Variants in CHIC2 observed in about 807,000 individuals in gnomAD.
CHIC2 encodes cysteine rich hydrophobic domain 2, also known as cysteine-rich hydrophobic domain-containing protein 2.
A neutral mutation model predicts 25.9 loss-of-function variants in CHIC2; 14 were observed. That is an observed-to-expected ratio of 0.54 (90% CI 0.36 to 0.85). The LOEUF is 0.85. Ranked by LOEUF, CHIC2 falls within the 40% of genes least tolerant of loss-of-function variation. The pLI is 0.01. For synonymous variants in CHIC2, 70 were observed against 72.0 expected (o/e 0.97, Z 0.14); for missense variants, 146 against 202.0 (o/e 0.72, Z 1.68).
At chr4:54,089,255 A>AT in the CHIC2 span, among the ~76,000 whole-genome samples, 3 of 151,752 alleles carry the variant, frequency 2.0e-5, no homozygotes, top group Non-Finnish European at 2.9e-5. Flanking sequence ...CTTCTTTTTG[A>AT]TTTTTTTTCC....
At chr4:54,077,770 T>A in the CHIC2 span, among the ~76,000 whole-genome samples, 2 of 152,216 alleles carry the variant, frequency 1.3e-5, no homozygotes, top group Non-Finnish European at 2.9e-5. Flanking sequence ...TATAACTTCA[T>A]TTCTATAGCA....
chr4:54,043,294 A>G (rs958272380), intron 3 of CHIC2, among the ~76,000 whole-genome samples: 5 of 151,948 alleles, frequency 3.3e-5, no homozygotes, highest in African/African-American at 1.2e-4. Flanking sequence ...GGTGGTGGGC[A>G]CCTGCAGTCC....
At chr4:54,050,405 C>A (rs1339256955) in intron 1 of CHIC2, among the ~76,000 whole-genome samples, 1 of 152,106 alleles carries the variant, frequency 6.6e-6, no homozygotes, top group Non-Finnish European at 1.5e-5. Context: ...CCACTCCAAT[C>A]TGTTATCCTG....
chr4:54,064,714 C>A, upstream of CHIC2: 3 of 973,002 alleles, frequency 3.1e-6, no homozygotes, highest in Non-Finnish European at 3.7e-6. The surrounding 1 kb of genome is among the most constrained non-coding windows in gnomAD (Gnocchi z 4.2). Flanking sequence ...GGCGAGCGGA[C>A]TGGCTGGCGG....
upstream of CHIC2, among the ~76,000 whole-genome samples, chr4:54,067,467 G>T (rs116043228): frequency 6.6e-6 from 1 of 151,796 alleles, no homozygotes; most frequent in African/African-American, 2.4e-5. Flanking sequence ...CTCCACCTCC[G>T]CCCTGCCAAC....
Position 54,014,104 on chromosome 4 carries a change from C to T in CHIC2, c.346G>A (p.Glu116Lys), listed in dbSNP as rs771347608. Residue 116 changes from glutamate (E) to lysine (K), a missense_variant, in exon 4 of 6, where the codon GAG becomes AAG. Glu to Lys is a moderately conservative substitution (Grantham distance 56). Coordinates refer to ENST00000263921, the MANE Select transcript of CHIC2 (RefSeq NM_012110.4). Reference sequence around the variant, plus strand: ...TTGTTTTCCCATTCTAATAACTTCTCAATCGATCTTCGTGTCTGGAAGACA... The same window carrying T: ...TTGTTTTCCCATTCTAATAACTTCTTAATCGATCTTCGTGTCTGGAAGACA... ...CLSKRTRRSI[E>K]KLLEWENNRL... The T allele has an allele frequency of 6.2e-7, 1 of 1,613,328 alleles. No individual in the cohort carries two copies. Among genetic ancestry groups the T allele is most frequent in the South Asian group, 1.1e-5 (1 of 91,054 alleles).
At chr4:54,030,668 T>A (rs1172426196) in intron 3 of CHIC2, among the ~76,000 whole-genome samples, 2 of 130,888 alleles carry the variant, frequency 1.5e-5, no homozygotes, top group African/African-American at 7.2e-5. Flanking sequence ...AAATGCTAAT[T>A]TTTTTTTTTT....
intron 3 of CHIC2, 77 bp downstream of exon 3, chr4:54,048,878 A>C: frequency 1.6e-6 from 2 of 1,246,408 alleles, no homozygotes; most frequent in Non-Finnish European, 2.2e-6. Context: ...CATTCAATAC[A>C]AAAAATAAAA....
At chr4:54,044,629 C>A (rs1351398149) in intron 3 of CHIC2, among the ~76,000 whole-genome samples, 4 of 152,096 alleles carry the variant, frequency 2.6e-5, no homozygotes, top group Non-Finnish European at 5.9e-5. Context: ...ACCAGAATCT[C>A]TGGGACACAT....
At chr4:54,034,123 C>T (rs1023698322) in intron 3 of CHIC2, among the ~76,000 whole-genome samples, 2 of 151,992 alleles carry the variant, frequency 1.3e-5, no homozygotes, top group South Asian at 2.1e-4. Context: ...AGTATTTCCT[C>T]GCCAGACGCG....
the CHIC2 span, among the ~76,000 whole-genome samples, chr4:54,091,482 A>G: frequency 6.3e-4 from 96 of 152,242 alleles, 2 homozygotes; most frequent in South Asian, 0.019. Context: ...TATTCCTCAC[A>G]TTCACACATT....
At chr4:54,012,470 A>T (rs1247364042) in intron 5 of CHIC2, among the ~76,000 whole-genome samples, 1 of 152,154 alleles carries the variant, frequency 6.6e-6, no homozygotes, top group Non-Finnish European at 1.5e-5. Flanking sequence ...AATTCATAGC[A>T]TTGGGATAAC....
At chr4:54,045,327 C>G (rs1468494078) in intron 3 of CHIC2, among the ~76,000 whole-genome samples, 4 of 152,148 alleles carry the variant, frequency 2.6e-5, no homozygotes, top group Admixed American at 6.5e-5. Context: ...GATACCAAAG[C>G]CGGGCAGAGA....
chr4:54,053,169 T>C (rs1051221697), intron 1 of CHIC2, among the ~76,000 whole-genome samples: 1 of 152,234 alleles, frequency 6.6e-6, no homozygotes, highest in Non-Finnish European at 1.5e-5. Context: ...AAATTCAATA[T>C]ACCATGATAT....
At chr4:54,013,149 A>G (rs181708209) in intron 5 of CHIC2, among the ~76,000 whole-genome samples, 2 of 152,150 alleles carry the variant, frequency 1.3e-5, no homozygotes, top group Admixed American at 1.3e-4. Flanking sequence ...GAGAATTAAA[A>G]TTCTTAATTT....
the CHIC2 span, chr4:54,076,600 G>A: frequency 1.3e-5 from 2 of 152,182 alleles, no homozygotes; most frequent in African/African-American, 4.8e-5. Context: ...GAAGGACATT[G>A]GTGTTGAGGA....
chr4:54,032,481 C>T (rs979125096), intron 3 of CHIC2, among the ~76,000 whole-genome samples: 10 of 152,180 alleles, frequency 6.6e-5, no homozygotes, highest in Admixed American at 2.6e-4. Flanking sequence ...TTGGCCGGGC[C>T]GGTCTCCAGC....
intron 3 of CHIC2, among the ~76,000 whole-genome samples, chr4:54,028,507 A>C (rs1716126729): frequency 6.6e-6 from 1 of 152,254 alleles, no homozygotes; most frequent in African/African-American, 2.4e-5. Context: ...AGAATACAGT[A>C]CATGTAAATT....
At chr4:54,031,536 A>G (rs1296758503) in intron 3 of CHIC2, among the ~76,000 whole-genome samples, 1 of 151,882 alleles carries the variant, frequency 6.6e-6, no homozygotes, top group Non-Finnish European at 1.5e-5. Flanking sequence ...TACTAAAATG[A>G]TAATAACAGT....
Sources: gnomAD v4.1 joint callset for allele counts (sites outside exome capture counted in the v4.1 genomes callset) on GRCh38, gnomAD v4.1.1 for gene constraint, Gnocchi (gnomAD v3.1) non-coding constraint, MANE v1.5 for transcripts, NCBI Gene and HGNC (gene_info 2026-07-23, HGNC 2026-07-21) for gene names.